CABLES2: variants seen among roughly 807,000 people sequenced by gnomAD.
The protein encoded by CABLES2 is CDK5 and ABL1 enzyme substrate 2.
A neutral mutation model predicts 44.8 loss-of-function variants in CABLES2; 35 were observed. The ratio of observed to expected loss-of-function variants is 0.78; its 90% CI spans 0.60 to 1.04. The LOEUF (loss-of-function observed/expected upper bound fraction) is 1.04, where lower values mean the gene tolerates loss of function less well. Ranked by LOEUF, CABLES2 falls within the 50% of genes least tolerant of loss-of-function variation. The probability of loss-of-function intolerance (pLI) is 0.00; values close to 1 mark genes in which losing one functional copy is unlikely to be tolerated. For missense variants in CABLES2, 566 were observed against 615.7 expected, an observed-to-expected ratio of 0.92 and a Z score of 0.85; for synonymous variants, 282 against 281.1, an observed-to-expected ratio of 1.00 and a Z score of -0.03.
Position 62,397,894 on chromosome 20 carries a change from C to T in CABLES2, c.363-1302G>A, listed in dbSNP as rs921231038. On this transcript the variant is annotated intron_variant, in intron 1 of 9. Transcript: ENST00000279101. ...AGGGAGCAGTTGGTGGTGGTGATGG[C>T]GGTGGTGGTGATGGTGATGGCAGTG... 3.3e-4 allele frequency among the ~76,000 whole-genome samples: 44 copies of T among 133,324 alleles called. No individual in the cohort carries two copies. The East Asian group carries it at 4.9e-3, about 15-fold the overall frequency. 87.5% of individuals were successfully genotyped at this position (133,324 alleles called of 152,430 possible).
rs922047230 is a variant in CABLES2 at position 62,389,719 on chromosome 20, C to T, written c.*1252G>A. ...CCCCCATGAAGAAAAACTCAGCAGT[C>T]CTTGGTTATTCAGTGTTTTTGATGA... On this transcript the variant is annotated 3_prime_UTR_variant, in exon 10 of 10. Transcript: ENST00000279101. The T allele has an allele frequency of 6.6e-6, 1 of 152,234 alleles. No individual in the cohort carries two copies. Among genetic ancestry groups the T allele is most frequent in the African/African-American group, 2.4e-5 (1 of 41,452 alleles). 9.4% of individuals were successfully genotyped at this position (152,234 alleles called of 1,614,324 possible). A position where few individuals can be genotyped will look rare whatever the true frequency, so the allele number is the denominator to read the frequency against.
intron 1 of CABLES2, among the ~76,000 whole-genome samples, chr20:62,398,004 ATGGTTATGG>A (rs1988068532): frequency 1.3e-4 from 8 of 62,194 alleles, no homozygotes; most frequent in South Asian, 3.9e-4. Context: ...GATGATGGTG[ATGGTTATGG>A]CGGTGGTGGT....
At chr20:62,402,228 G>C (rs527702801) in intron 1 of CABLES2, 1 of 152,274 alleles carries the variant, frequency 6.6e-6, no homozygotes, top group Admixed American at 6.5e-5. Context: ...CATGCTCACA[G>C]ACAGGAAGAG....
At position 62,390,385 on chromosome 20, in the gene CABLES2, G is replaced by A. The variant is rs1569014088; in HGVS notation, c.*586C>T. ...CACCAAAAGCTCCACTTGGGATGCA[G>A]TGAGGTGGGCGGAGAAAGCTCTGGA... On this transcript the variant is annotated 3_prime_UTR_variant, in exon 10 of 10. Coordinates refer to ENST00000279101, the MANE Select transcript of CABLES2 (RefSeq NM_031215.3). 1 of 154,202 alleles carries A rather than the reference G, an allele frequency of 6.5e-6. No homozygotes were observed. Among genetic ancestry groups the A allele is most frequent in the African/African-American group, 2.4e-5 (1 of 41,478 alleles). The allele number at this position is 154,202 out of a possible 1,614,324, so 9.6% of individuals were successfully genotyped here. A position where few individuals can be genotyped will look rare whatever the true frequency, so the allele number is the denominator to read the frequency against.
chr20:62,394,873 C>A lies in CABLES2; in HGVS notation c.605+64G>T, dbSNP rs2427310. 626 of 1,497,128 alleles carry A rather than the reference C, an allele frequency of 4.2e-4. 1 individual carries two copies. In the African/African-American group the frequency reaches 6.4e-3, roughly 15 times the overall value. 92.7% of individuals were successfully genotyped at this position (1,497,128 alleles called of 1,614,324 possible). ...CCCGCTGATGCCTCCTGGGCCTGGC[C>A]GAGACCAGGCCTTGCCTTCTGCCTA... On this transcript the variant is annotated intron_variant, in intron 4 of 9. Transcript: ENST00000279101.
At position 62,407,180 on chromosome 20, in the gene CABLES2, G is replaced by A. The variant is rs1298666825; in HGVS notation, c.97C>T (p.Pro33Ser). Residue 33 changes from proline (P) to serine (S), a missense_variant, in exon 1 of 10, where the codon CCG becomes TCG. Coordinates refer to ENST00000279101, the MANE Select transcript of CABLES2 (RefSeq NM_031215.3). ...AAPTSAARAP[P>S]QALRRRGDSR... Reference sequence around the variant, plus strand: ...TCCCCGCGCCTCCGCAGCGCCTGCGGCGGGGCCCGAGCGGCCGAGGTCGGC... The same window carrying A: ...TCCCCGCGCCTCCGCAGCGCCTGCGACGGGGCCCGAGCGGCCGAGGTCGGC... 4 of 994,354 alleles carry A rather than the reference G, an allele frequency of 4.0e-6. No individual in the cohort carries two copies. The highest frequency in any genetic ancestry group is 4.8e-6 in the Non-Finnish European group (4 of 836,978). 61.6% of individuals were successfully genotyped at this position (994,354 alleles called of 1,614,324 possible). A position where few individuals can be genotyped will look rare whatever the true frequency, so the allele number is the denominator to read the frequency against.
chr20:62,397,058 AC>A (rs1214623609), intron 1 of CABLES2, among the ~76,000 whole-genome samples: 2 of 151,880 alleles, frequency 1.3e-5, no homozygotes, highest in Non-Finnish European at 2.9e-5. Context: ...GGCACCGGGC[AC>A]CCCTTGCTCT....
chr20:62,398,595 C>T (rs1014408493), intron 1 of CABLES2, among the ~76,000 whole-genome samples: 5 of 152,222 alleles, frequency 3.3e-5, no homozygotes, highest in African/African-American at 1.2e-4. Flanking sequence ...CATGGGCCTT[C>T]CCCCAGCAGG....
Position 62,391,601 on chromosome 20 carries a change from C to G in CABLES2, c.1092-148G>C, listed in dbSNP as rs879682336. ...TCCTTCAGGGGATGGTACCCTCCGCCGTACCATGTATAACGCCCAGGGCAG... is the reference window on the plus strand; with the variant it reads ...TCCTTCAGGGGATGGTACCCTCCGCGGTACCATGTATAACGCCCAGGGCAG... On this transcript the variant is annotated intron_variant, in intron 8 of 9. Transcript: ENST00000279101. This position sits in a 1 kb window ranked among gnomAD's most constrained non-coding sequence, Gnocchi z 5.7. 3 of 817,092 alleles carry G rather than the reference C, an allele frequency of 3.7e-6. No individual in the cohort carries two copies. Among genetic ancestry groups the G allele is most frequent in the Non-Finnish European group, 5.9e-6 (3 of 505,926 alleles). 50.6% of individuals were successfully genotyped at this position (817,092 alleles called of 1,614,324 possible).
chr20:62,393,517 G>A lies in CABLES2; in HGVS notation c.803C>T (p.Pro268Leu). The A allele has an allele frequency of 6.2e-7, 1 of 1,613,598 alleles. No individual in the cohort carries two copies. Among genetic ancestry groups the A allele is most frequent in the South Asian group, 1.1e-5 (1 of 91,002 alleles). The change falls in exon 6 of 10, where the codon CCC becomes CTC. Residue 268 changes from proline to leucine, a missense_variant. Physicochemically the swap from Pro to Leu is moderately conservative, Grantham distance 98. This residue lies in a region of CABLES2 where 436 missense variants were observed against 536.3 expected (regional missense o/e 0.81). Transcript: ENST00000279101. ...DSHGLLPTPR[P>L]SVPRTLPGSR... is the part of the protein sequence containing the mutation. ...CCCTGGCAGAGTCCGGGGGACACTG[G>A]GCCGAGGTGTGGGCAGCAGGCCATG...
intron 5 of CABLES2, 51 bp downstream of exon 5, chr20:62,394,106 G>C (rs564216814): frequency 1.4e-6 from 2 of 1,457,284 alleles, no homozygotes; most frequent in Non-Finnish European, 1.9e-6. Context: ...GCTCCCACCC[G>C]CCTGCCTGGC....
In CABLES2 at chr20:62,397,484, G is replaced by A. The variant is rs1273704297; in HGVS notation, c.363-892C>T. 3.9e-5 allele frequency among the ~76,000 whole-genome samples: 6 copies of A among 152,268 alleles called. No individual in the cohort carries two copies. In the South Asian group the frequency reaches 8.3e-4, roughly 21 times the overall value. ...TTTGTTGGCTGAATGACTGTACAAC[G>A]CACTTCCTTGAAGACCCCTCAGGGC... On this transcript the variant is annotated intron_variant, in intron 1 of 9. Transcript: ENST00000279101.
chr20:62,396,681 G>A lies in CABLES2; in HGVS notation c.363-89C>T, dbSNP rs1187258828. Reference sequence around the variant, plus strand: ...AACCGAGTGCCGCCCGCTGTGCAGGGAAGGGCCACTCTCCAGCCCAGCGGC... The same window carrying A: ...AACCGAGTGCCGCCCGCTGTGCAGGAAAGGGCCACTCTCCAGCCCAGCGGC... On this transcript the variant is annotated intron_variant, in intron 1 of 9. Coordinates refer to ENST00000279101, the MANE Select transcript of CABLES2 (RefSeq NM_031215.3). The surrounding 1 kb of genome is among the most constrained non-coding windows in gnomAD (Gnocchi z 5.7). 17 of 1,345,066 alleles carry A rather than the reference G, an allele frequency of 1.3e-5. No individual in the cohort carries two copies. The East Asian group carries it at 3.0e-4, about 24-fold the overall frequency. The allele number at this position is 1,345,066 out of a possible 1,614,324, so 83.3% of individuals were successfully genotyped here.
At chr20:62,393,323 A>G in intron 6 of CABLES2, 117 bp downstream of exon 6, 1 of 1,136,210 alleles carries the variant, frequency 8.8e-7, no homozygotes, top group African/African-American at 1.6e-5. Context: ...CCCAGGCTCC[A>G]TCTGCACGGA....
intron 1 of CABLES2, among the ~76,000 whole-genome samples, chr20:62,406,321 G>A (rs945624303): frequency 2.0e-5 from 3 of 152,024 alleles, no homozygotes; most frequent in African/African-American, 7.3e-5. Flanking sequence ...CAAAGAATGC[G>A]AAGAGATGCA....
At chr20:62,392,864 C>T (rs1000849116) in intron 7 of CABLES2, 56 bp downstream of exon 7, 102 of 1,513,906 alleles carry the variant, frequency 6.7e-5, no homozygotes, top group African/African-American at 5.6e-4. Flanking sequence ...CCACACGCCC[C>T]GAGCCAGGAC....
In CABLES2 at chr20:62,406,360, G is replaced by A. The variant is rs372081182; in HGVS notation, c.362+555C>T. Among the ~76,000 whole-genome samples, 13 of 152,118 alleles carry A rather than the reference G, an allele frequency of 8.5e-5. No homozygotes were observed. In the East Asian group the frequency reaches 9.7e-4, roughly 11 times the overall value. ...GGCTGTCCATGTGTCCCTGTGTCCCGGGCACTGGTACCAGTGGATGGGGGT... is the reference window on the plus strand; with the variant it reads ...GGCTGTCCATGTGTCCCTGTGTCCCAGGCACTGGTACCAGTGGATGGGGGT... On this transcript the variant is annotated intron_variant, in intron 1 of 9. Coordinates refer to ENST00000279101, the MANE Select transcript of CABLES2 (RefSeq NM_031215.3).
chr20:62,392,343 G>A (rs756849862), intron 8 of CABLES2, 46 bp downstream of exon 8: 38 of 1,375,668 alleles, frequency 2.8e-5, no homozygotes, highest in Non-Finnish European at 3.7e-5. Context: ...GGAGAGGCTG[G>A]CAGGGCCTCC....
Position 62,390,991 on chromosome 20 carries a change from G to A in CABLES2, c.1417C>T (p.Arg473Cys), listed in dbSNP as rs751037345. ...CTCTGCTAGAACTGCTGGGTGAGGC[G>A]CCTGTAATGAGGTAACACTTGGTTC... ...PENQVLPHYRRLTQQF is the reference protein window; with the variant it reads ...PENQVLPHYRCLTQQF The change falls in exon 10 of 10, where the codon CGC becomes TGC. Residue 473 changes from arginine (R) to cysteine (C), a missense_variant. Physicochemically the swap from Arg to Cys is radical, Grantham distance 180. Coordinates refer to ENST00000279101, the MANE Select transcript of CABLES2 (RefSeq NM_031215.3). 17 of 1,613,978 alleles carry A rather than the reference G, an allele frequency of 1.1e-5. No homozygotes were observed. The highest frequency in any genetic ancestry group is 2.2e-5 in the East Asian group (1 of 44,900).
Sources: allele counts gnomAD v4.1 joint callset (sites outside exome capture counted in the v4.1 genomes callset), GRCh38; gene constraint gnomAD v4.1.1; regional missense constraint gnomAD v4.1.1; non-coding constraint Gnocchi (gnomAD v3.1); transcripts MANE v1.5; gene names NCBI Gene and HGNC (gene_info 2026-07-23, HGNC 2026-07-21).